The following KNTC1 variants were observed in gnomAD, a reference collection of about 807,000 sequenced individuals.
The protein encoded by KNTC1 is kinetochore associated 1, also known as kinetochore-associated protein 1.
A neutral mutation model predicts 314.4 loss-of-function variants in KNTC1; 253 were observed. That is an observed-to-expected ratio of 0.80 (90% CI 0.73 to 0.89). The LOEUF is 0.89. Among genes scored for constraint, KNTC1 ranks in the 40% least tolerant of loss-of-function variants. KNTC1 has a pLI of 0.00. For synonymous variants in KNTC1, 901 were observed against 901.4 expected, an observed-to-expected ratio of 1.00 and a Z score of 0.01; for missense variants, 2,475 against 2,572.9, an observed-to-expected ratio of 0.96 and a Z score of 0.82.
intron 37 of KNTC1, 25 bp downstream of exon 37, chr12:122,585,799 T>C (rs1869193130): frequency 6.2e-7 from 1 of 1,607,640 alleles, no homozygotes; most frequent in East Asian, 2.2e-5. Context: ...TATCATTATT[T>C]TCTATGTGTT....
chr12:122,542,144 A>G lies in KNTC1; in HGVS notation c.523+17A>G, dbSNP rs1249566353. 4 of 1,385,860 alleles carry G rather than the reference A, an allele frequency of 2.9e-6. No individual in the cohort carries two copies. The highest frequency in any genetic ancestry group is 2.5e-5 in the East Asian group (1 of 39,606). The allele number at this position is 1,385,860 out of a possible 1,614,324, so 85.8% of individuals were successfully genotyped here. A position where few individuals can be genotyped will look rare whatever the true frequency, so the allele number is the denominator to read the frequency against. On this transcript the variant is annotated intron_variant, in intron 6 of 63. Transcript: ENST00000333479. ...TTCAACAAGGTAAGTAATACATTATATTTTTATTATTGATTTGCAGCAATA... is the reference window on the plus strand; with the variant it reads ...TTCAACAAGGTAAGTAATACATTATGTTTTTATTATTGATTTGCAGCAATA...
chr12:122,600,454 A>G (rs1394093982), intron 44 of KNTC1, among the ~76,000 whole-genome samples: 1 of 152,136 alleles, frequency 6.6e-6, no homozygotes, highest in East Asian at 1.9e-4. Context: ...TAATTCTTGC[A>G]CTATAGTATA....
intron 2 of KNTC1, among the ~76,000 whole-genome samples, chr12:122,531,427 G>T (rs1258549175): frequency 1.3e-5 from 2 of 152,060 alleles, no homozygotes; most frequent in East Asian, 3.9e-4. Flanking sequence ...TGAACTCCTG[G>T]CCTCAAGTGA....
chr12:122,551,715 AT>A lies in KNTC1; in HGVS notation c.1272+22del. 6.3e-7 allele frequency: 1 copy of A among 1,575,518 alleles called. No individual in the cohort carries two copies. Among genetic ancestry groups the A allele is most frequent in the Non-Finnish European group, 8.7e-7 (1 of 1,145,084 alleles). ...TGTTGAGGTAATCATTCATGTATTC[AT>A]TTGTTCACCAAACAAGCATTTCGTC... is the stretch of plus-strand genomic sequence containing the variant. On this transcript the variant is annotated intron_variant, in intron 16 of 63. Coordinates refer to ENST00000333479, the MANE Select transcript of KNTC1 (RefSeq NM_014708.6).
intron 20 of KNTC1, 133 bp from the exon 21 acceptor site, chr12:122,568,128 G>T (rs1964463589): frequency 1.7e-6 from 1 of 591,162 alleles, no homozygotes. Context: ...TTGGAACTGG[G>T]TTTTTTTTAG....
Position 122,576,773 on chromosome 12 carries a change from C to T in KNTC1, c.2587-122C>T, listed in dbSNP as rs1311701950. 1.9e-5 allele frequency: 11 copies of T among 580,006 alleles called. No homozygotes were observed. The East Asian group carries it at 3.4e-4, about 18-fold the overall frequency. The allele number at this position is 580,006 out of a possible 1,614,324, so 35.9% of individuals were successfully genotyped here. ...GAATATAAATCATGTTTTAATCTTT[C>T]ATACAATTTAGTTTTTTGCTGCATT... On this transcript the variant is annotated intron_variant, in intron 29 of 63. Transcript: ENST00000333479.
chr12:122,582,338 A>G (rs113705943), intron 33 of KNTC1, among the ~76,000 whole-genome samples: 41 of 152,300 alleles, frequency 2.7e-4, no homozygotes, highest in Non-Finnish European at 5.7e-4. Flanking sequence ...AGATGGTGTG[A>G]GACTAGAAGG....
chr12:122,549,487 T>G (rs1412957358), intron 12 of KNTC1, among the ~76,000 whole-genome samples: 20 of 152,096 alleles, frequency 1.3e-4, no homozygotes, highest in Admixed American at 1.3e-3. Context: ...GTAGCTGTGA[T>G]TATCCCAGTA....
At chr12:122,573,791 C>G (rs1198609490) in intron 26 of KNTC1, among the ~76,000 whole-genome samples, 3 of 152,132 alleles carry the variant, frequency 2.0e-5, no homozygotes, top group Non-Finnish European at 4.4e-5. Flanking sequence ...ATTAGCCTTT[C>G]CAAAGGAGGC....
At chr12:122,557,313 A>T in intron 16 of KNTC1, 71 bp from the exon 17 acceptor site, 1 of 1,452,702 alleles carries the variant, frequency 6.9e-7, no homozygotes, top group Admixed American at 2.0e-5. Flanking sequence ...CACTCAGCTT[A>T]CTCTGAGAAT....
At chr12:122,584,177 T>A (rs1217643859) in intron 34 of KNTC1, 101 bp from the exon 35 acceptor site, 1 of 821,924 alleles carries the variant, frequency 1.2e-6, no homozygotes, top group Non-Finnish European at 2.0e-6. Flanking sequence ...TAAAAGACAT[T>A]TAATGTGTTG....
intron 42 of KNTC1, among the ~76,000 whole-genome samples, chr12:122,592,400 G>A (rs1870378987): frequency 6.6e-6 from 1 of 151,730 alleles, no homozygotes; most frequent in Admixed American, 6.5e-5. Flanking sequence ...CAAGGGCTGA[G>A]GAGTGTGAGC....
chr12:122,594,207 G>A, intron 42 of KNTC1, 69 bp from the exon 43 acceptor site: 1 of 848,750 alleles, frequency 1.2e-6, no homozygotes, highest in Non-Finnish European at 2.0e-6. Context: ...AAGTCATGAT[G>A]TTGCCCTTAC....
intron 1 of KNTC1, among the ~76,000 whole-genome samples, chr12:122,528,848 AT>A (rs530996026): frequency 4.1e-5 from 6 of 144,804 alleles, no homozygotes; most frequent in African/African-American, 1.0e-4. Context: ...GTATATATAT[AT>A]TTTTTTTCCA....
rs749243460 is a variant in KNTC1, at chr12:122,609,445, T to C, written c.5543+15T>C. The C allele has an allele frequency of 4.3e-5, 65 of 1,502,852 alleles. No individual in the cohort carries two copies. The highest frequency in any genetic ancestry group is 3.4e-4 in the Middle Eastern group (2 of 5,880). The allele number at this position is 1,502,852 out of a possible 1,614,324, so 93.1% of individuals were successfully genotyped here. On this transcript the variant is annotated intron_variant, in intron 52 of 63. Transcript: ENST00000333479. ...GCCCTACGAAGGTACTCTTTTCCTT[T>C]ACTTATATTCACCTATATCGTGATG...
chr12:122,615,616 G>A (rs1014741667), intron 57 of KNTC1, 90 bp downstream of exon 57: 2 of 1,223,754 alleles, frequency 1.6e-6, no homozygotes, highest in African/African-American at 1.5e-5. Flanking sequence ...TAAGCAGTCA[G>A]CTCCTTCTTA....
intron 32 of KNTC1, 93 bp from the exon 33 acceptor site, chr12:122,580,510 G>C: frequency 1.4e-6 from 1 of 731,626 alleles, no homozygotes; most frequent in South Asian, 1.7e-5. Context: ...CTTGAGATGA[G>C]AGAACCAAAG....
chr12:122,563,843 A>G (rs1043506353), intron 20 of KNTC1: 6 of 1,433,982 alleles, frequency 4.2e-6, no homozygotes, highest in Non-Finnish European at 5.5e-6. Context: ...ACAGAAGGAG[A>G]CAGTCTTCAC....
chr12:122,575,311 C>T (rs901829901), intron 27 of KNTC1, among the ~76,000 whole-genome samples: 3 of 152,110 alleles, frequency 2.0e-5, no homozygotes, highest in East Asian at 1.9e-4. Flanking sequence ...AAAGCAATAA[C>T]GCTGTATGTC....
Sources: allele counts gnomAD v4.1 joint callset (sites outside exome capture counted in the v4.1 genomes callset), GRCh38; gene constraint gnomAD v4.1.1; transcripts MANE v1.5; gene names NCBI Gene and HGNC (gene_info 2026-07-23, HGNC 2026-07-21).